EPB41L4B: variants seen among roughly 807,000 people sequenced by gnomAD.
EPB41L4B encodes the protein erythrocyte membrane protein band 4.1 like 4B.
In EPB41L4B, 30 loss-of-function variants were observed where a neutral mutation model predicts 112.5. The ratio of observed to expected loss-of-function variants is 0.27; its 90% CI spans 0.20 to 0.36. EPB41L4B has a LOEUF of 0.36. Among genes scored for constraint, EPB41L4B ranks in the 10% least tolerant of loss-of-function variants. The probability of loss-of-function intolerance (pLI) is 1.00; values close to 1 mark genes in which losing one functional copy is unlikely to be tolerated. For missense variants in EPB41L4B, 1,024 were observed against 1,133.3 expected, an observed-to-expected ratio of 0.90 and a Z score of 1.38; for synonymous variants, 408 against 439.7, an observed-to-expected ratio of 0.93 and a Z score of 0.90.
intron 1 of EPB41L4B, among the ~76,000 whole-genome samples, chr9:109,291,085 G>A (rs1251920763): frequency 6.6e-6 from 1 of 152,048 alleles, no homozygotes; most frequent in East Asian, 1.9e-4. Context: ...ATGTCACAAA[G>A]GTTCTATGAC....
At chr9:109,181,213 G>A (rs1832040073) in intron 24 of EPB41L4B, among the ~76,000 whole-genome samples, 1 of 151,992 alleles carries the variant, frequency 6.6e-6, no homozygotes, top group Non-Finnish European at 1.5e-5. Flanking sequence ...TGTTGCCCAG[G>A]TTGATCTCGA....
Position 109,262,439 on chromosome 9 carries a change from TGGTGTGTGTGGG to T in EPB41L4B, c.631+599_631+610del, listed in dbSNP as rs1172232054. On this transcript the variant is annotated intron_variant, in intron 6 of 25. Transcript: ENST00000374566. The stretch of plus-strand genomic sequence containing the variant: ...TCCTTGTACTGCCAATGCTATTTCT[TGGTGTGTGTGGG>T]GGTGTGTGTGTGTGTGTGTGTGTGT... 3.4e-5 allele frequency among the ~76,000 whole-genome samples: 3 copies of T among 87,056 alleles called. No individual in the cohort carries two copies. In the East Asian group the frequency reaches 1.2e-3, roughly 34 times the overall value. The allele number at this position is 87,056 out of a possible 152,430, so 57.1% of individuals were successfully genotyped here.
chr9:109,271,332 T>C (rs564265564), intron 2 of EPB41L4B, among the ~76,000 whole-genome samples: 3 of 152,342 alleles, frequency 2.0e-5, no homozygotes, highest in South Asian at 2.1e-4. Context: ...AAGCCGAGAA[T>C]GGAATCAGAA....
At chr9:109,192,067 C>T (rs1244233675) in intron 22 of EPB41L4B, among the ~76,000 whole-genome samples, 2 of 152,178 alleles carry the variant, frequency 1.3e-5, no homozygotes, top group Non-Finnish European at 1.5e-5. Flanking sequence ...CAACTACCCT[C>T]GGAGCAAAGG....
intron 1 of EPB41L4B, among the ~76,000 whole-genome samples, chr9:109,283,871 G>C (rs1836165793): frequency 1.3e-5 from 2 of 151,570 alleles, no homozygotes; most frequent in Non-Finnish European, 2.9e-5. Flanking sequence ...AGGATTGCTT[G>C]AGGCCAGGAG....
At chr9:109,197,259 C>T (rs1832673460) in intron 20 of EPB41L4B, among the ~76,000 whole-genome samples, 1 of 151,986 alleles carries the variant, frequency 6.6e-6, no homozygotes, top group East Asian at 1.9e-4. Context: ...CCTGTCTCTA[C>T]TAAAAACACA....
chr9:109,176,505 T>C, intron 25 of EPB41L4B, 46 bp downstream of exon 25: 1 of 1,555,372 alleles, frequency 6.4e-7, no homozygotes, highest in Middle Eastern at 1.8e-4. Context: ...CTCCCTGGTT[T>C]CCCTGTCACC....
Position 109,320,131 on chromosome 9 carries a change from C to G in EPB41L4B, c.306+10G>C, listed in dbSNP as rs1238841173. ...AGGTGCCAGTGCCCCAGACTGGCCC[C>G]GTCACTCACCGGCAGGTCCACGCTC... On this transcript the variant is annotated intron_variant, in intron 1 of 25. Coordinates refer to ENST00000374566, the MANE Select transcript of EPB41L4B (RefSeq NM_019114.5). 1.4e-6 allele frequency: 2 copies of G among 1,448,266 alleles called. No individual in the cohort carries two copies. The highest frequency in any genetic ancestry group is 5.9e-5 in the East Asian group (2 of 33,624). The allele number at this position is 1,448,266 out of a possible 1,614,324, so 89.7% of individuals were successfully genotyped here. A position where few individuals can be genotyped will look rare whatever the true frequency, so the allele number is the denominator to read the frequency against.
At chr9:109,286,861 C>T (rs78474783) in intron 1 of EPB41L4B, among the ~76,000 whole-genome samples, 1 of 152,186 alleles carries the variant, frequency 6.6e-6, no homozygotes. Context: ...GATCCCCGTT[C>T]TGAAATGCAA....
chr9:109,276,151 G>A (rs901746216), intron 2 of EPB41L4B, among the ~76,000 whole-genome samples: 6 of 132,036 alleles, frequency 4.5e-5, no homozygotes, highest in African/African-American at 1.8e-4. Flanking sequence ...ATACGTGTGT[G>A]TATACACACA....
chr9:109,226,754 GAA>G (rs1491454467), intron 15 of EPB41L4B, among the ~76,000 whole-genome samples: 3 of 95,644 alleles, frequency 3.1e-5, no homozygotes, highest in Admixed American at 1.3e-4. Context: ...TATATATGAA[GAA>G]TATATATATA....
chr9:109,248,527 G>C (rs1429749373), intron 13 of EPB41L4B, among the ~76,000 whole-genome samples: 1 of 152,198 alleles, frequency 6.6e-6, no homozygotes, highest in Non-Finnish European at 1.5e-5. Context: ...CCTAAAGCCT[G>C]TCTTCTTTCT....
rs996981610 is a variant in EPB41L4B at position 109,268,506 on chromosome 9, C to T, written c.412-73G>A. ...TTATTCAGCCCTCACAGTTACCCTC[C>T]TCTAAAAGCCTTAGTAATTCTACCC... On this transcript the variant is annotated intron_variant, in intron 2 of 25. Transcript: ENST00000374566. 1.1e-5 allele frequency: 15 copies of T among 1,342,432 alleles called. No individual in the cohort carries two copies. In the South Asian group the frequency reaches 1.9e-4, roughly 17 times the overall value. The allele number at this position is 1,342,432 out of a possible 1,614,324, so 83.2% of individuals were successfully genotyped here.
intron 2 of EPB41L4B, 32 bp from the exon 3 acceptor site, chr9:109,268,465 T>C (rs779513680): frequency 5.6e-6 from 9 of 1,595,424 alleles, no homozygotes; most frequent in East Asian, 2.2e-5. Flanking sequence ...TCTTTAGGAA[T>C]AGTTCATCAG....
At chr9:109,285,934 C>G (rs1275077692) in intron 1 of EPB41L4B, among the ~76,000 whole-genome samples, 1 of 152,118 alleles carries the variant, frequency 6.6e-6, no homozygotes, top group Non-Finnish European at 1.5e-5. Flanking sequence ...AGGTGTGTGC[C>G]TTAAGTATAT....
chr9:109,240,905 C>G (rs1473238717), intron 15 of EPB41L4B: 1 of 985,268 alleles, frequency 1.0e-6, no homozygotes, highest in African/African-American at 1.7e-5. Context: ...GCAGCAAATT[C>G]GATCAAAACA....
chr9:109,313,887 T>C (rs1837520014), intron 1 of EPB41L4B, among the ~76,000 whole-genome samples: 1 of 152,222 alleles, frequency 6.6e-6, no homozygotes, highest in Admixed American at 6.5e-5. Context: ...CATGTTTATA[T>C]CTGAATATGA....
intron 14 of EPB41L4B, among the ~76,000 whole-genome samples, chr9:109,244,022 G>A (rs1207303635): frequency 3.9e-5 from 6 of 152,220 alleles, no homozygotes; most frequent in African/African-American, 1.4e-4. Flanking sequence ...GGAAGAGGCG[G>A]AAGGTGTCAG....
chr9:109,211,314 G>T (rs1428707228), intron 17 of EPB41L4B, among the ~76,000 whole-genome samples: 1 of 152,248 alleles, frequency 6.6e-6, no homozygotes, highest in Non-Finnish European at 1.5e-5. Flanking sequence ...TTAAAGTGTG[G>T]CCAGGCATGG....
Sources: gnomAD v4.1 joint callset for allele counts (sites outside exome capture counted in the v4.1 genomes callset) on GRCh38, gnomAD v4.1.1 for gene constraint, MANE v1.5 for transcripts, NCBI Gene and HGNC (gene_info 2026-07-23, HGNC 2026-07-21) for gene names.